SMARCA2: variants seen among roughly 807,000 people sequenced by gnomAD.
SMARCA2 encodes the protein SWI/SNF-related matrix-associated actin-dependent regulator of chromatin subfamily A member 2.
A neutral mutation model predicts 199.8 loss-of-function variants in SMARCA2; 61 were observed. That is an observed-to-expected ratio of 0.31 (90% CI 0.25 to 0.38). The LOEUF is 0.38. Ranked by LOEUF, SMARCA2 falls within the 10% of genes least tolerant of loss-of-function variation. The pLI, the probability that SMARCA2 is intolerant of heterozygous loss-of-function variation, is 1.00. For missense variants in SMARCA2, 1,344 were observed against 2,012.2 expected (o/e 0.67, Z 6.35); for synonymous variants, 935 against 732.0 (o/e 1.28, Z -4.48).
intron 19 of SMARCA2, among the ~76,000 whole-genome samples, chr9:2,089,632 A>T (rs916496285): frequency 6.6e-6 from 1 of 152,216 alleles, no homozygotes; most frequent in African/African-American, 2.4e-5. Context: ...TATCTCAGTG[A>T]AAGTCTACGT....
Position 2,103,989 on chromosome 9 carries a change from T to G in SMARCA2, c.3126-14T>G, listed in dbSNP as rs1482878633. On this transcript the variant is annotated splice_polypyrimidine_tract_variant and intron_variant, in intron 22 of 33. Transcript: ENST00000349721. ...TAATACTGTCTTCTTGTTTTTGCAT[T>G]TTTTTGGGTTCAGGGCTGAACTGTA... The G allele has an allele frequency of 6.2e-7, 1 of 1,609,902 alleles. No individual in the cohort carries two copies. The highest frequency in any genetic ancestry group is 1.3e-5 in the African/African-American group (1 of 74,620).
chr9:2,034,360 T>G (rs1819224111), intron 3 of SMARCA2, among the ~76,000 whole-genome samples: 1 of 152,046 alleles, frequency 6.6e-6, no homozygotes, highest in Middle Eastern at 3.2e-3. Flanking sequence ...CAACAATGGC[T>G]AAATCAGTAT....
intron 10 of SMARCA2, 71 bp downstream of exon 10, chr9:2,070,542 T>G: frequency 9.4e-7 from 1 of 1,066,856 alleles, no homozygotes. Flanking sequence ...AGCACCATTC[T>G]TCATGCATAC....
At chr9:2,132,046 T>G (rs1184737146) in intron 27 of SMARCA2, among the ~76,000 whole-genome samples, 2 of 152,096 alleles carry the variant, frequency 1.3e-5, no homozygotes, top group African/African-American at 4.8e-5. Flanking sequence ...AAAAGCTATG[T>G]AATACCAAGC....
At chr9:2,191,459 G>T in intron 33 of SMARCA2, 51 bp downstream of exon 33, 1 of 1,599,388 alleles carries the variant, frequency 6.3e-7, no homozygotes, top group Non-Finnish European at 8.5e-7. Context: ...TCCCCTGCTT[G>T]CTGGCCTCTT....
At chr9:2,074,355 T>A (rs7044075) in intron 12 of SMARCA2, among the ~76,000 whole-genome samples, 39,504 of 151,998 alleles carry the variant, frequency 0.26, 5,481 homozygotes, top group African/African-American at 0.33. Flanking sequence ...GTTAATATAT[T>A]GTCATTAGAT....
rs1444136839 is a variant in SMARCA2, at chr9:2,169,940, C to T, written c.4200-479C>T. On this transcript the variant is annotated intron_variant, in intron 28 of 33. Coordinates refer to ENST00000349721, the MANE Select transcript of SMARCA2 (RefSeq NM_003070.5). The surrounding 1 kb of genome is among the most constrained non-coding windows in gnomAD (Gnocchi z 6.5). ...TAGATGGTGTTCAGACCCAAATTGG[C>T]TGATGCTTGGAATACCTTCTTTGTG... Among the ~76,000 whole-genome samples, 1 of 152,202 alleles carries T rather than the reference C, an allele frequency of 6.6e-6. No homozygotes were observed. The highest frequency in any genetic ancestry group is 2.4e-5 in the African/African-American group (1 of 41,446).
intron 13 of SMARCA2, 114 bp from the exon 14 acceptor site, chr9:2,077,515 A>G (rs1821379608): frequency 2.0e-6 from 2 of 1,024,436 alleles, no homozygotes. Flanking sequence ...GTGGTTGATA[A>G]ATAAAACACA....
In SMARCA2 at chr9:2,159,605, G is replaced by T. The variant is rs139251178; in HGVS notation, c.3982-2081G>T. On this transcript the variant is annotated intron_variant, in intron 27 of 33. Coordinates refer to ENST00000349721, the MANE Select transcript of SMARCA2 (RefSeq NM_003070.5). The stretch of plus-strand genomic sequence containing the variant: ...CTGAGCTAAAATCTCTAATTCTGCT[G>T]CCTGGAATAATAAGGGGAAAAAAAT... The T allele has an allele frequency of 5.5e-3, 2,788 of 505,562 alleles. 12 individuals carry two copies. The highest frequency in any genetic ancestry group is 7.4e-3 in the Non-Finnish European group (2,199 of 295,858). The allele number at this position is 505,562 out of a possible 1,614,324, so 31.3% of individuals were successfully genotyped here.
chr9:2,024,948 C>G (rs908485500), intron 1 of SMARCA2, among the ~76,000 whole-genome samples: 2 of 152,156 alleles, frequency 1.3e-5, no homozygotes, highest in African/African-American at 4.8e-5. Context: ...ATGTGGGGGT[C>G]TTTGGTGTTT....
At chr9:2,079,747 G>A (rs1474300822) in intron 14 of SMARCA2, among the ~76,000 whole-genome samples, 1 of 152,228 alleles carries the variant, frequency 6.6e-6, no homozygotes, top group Non-Finnish European at 1.5e-5. Flanking sequence ...ACCTGACATA[G>A]ATGTTAACTC....
Position 2,047,328 on chromosome 9 carries a change from C to G in SMARCA2, c.890C>G (p.Pro297Arg). 1 of 1,107,398 alleles carries G rather than the reference C, an allele frequency of 9.0e-7. No homozygotes were observed. Among genetic ancestry groups the G allele is most frequent in the Non-Finnish European group, 1.1e-6 (1 of 898,892 alleles). 68.6% of individuals were successfully genotyped at this position (1,107,398 alleles called of 1,614,324 possible). A position where few individuals can be genotyped will look rare whatever the true frequency, so the allele number is the denominator to read the frequency against. Residue 297 changes from proline to arginine, a missense_variant, in exon 5 of 34, where the codon CCG becomes CGG. Physicochemically the swap from Pro to Arg is moderately radical, Grantham distance 103 (BLOSUM62 -2). This residue lies in a region of SMARCA2 where 117 missense variants were observed against 99.1 expected (regional missense o/e 1.18). Transcript: ENST00000349721. ...CCCGCGCCCCCCGCAGCCGCGCAGC[C>G]GCCCGCGGCCGCAGTGCCCGGGCCC... ...PSPAPPAAAQ[P>R]PAAAVPGPSV...
intron 12 of SMARCA2, chr9:2,075,269 T>C (rs1475718737): frequency 6.6e-6 from 1 of 152,504 alleles, no homozygotes; most frequent in Non-Finnish European, 1.5e-5. Flanking sequence ...GGTTTGATTT[T>C]TCTCCTTGAT....
intron 21 of SMARCA2, among the ~76,000 whole-genome samples, chr9:2,098,751 C>T (rs1271369160): frequency 1.3e-5 from 2 of 152,136 alleles, no homozygotes; most frequent in Non-Finnish European, 2.9e-5. Flanking sequence ...GCCTGGCCAA[C>T]ATGGTGAAAC....
At chr9:2,155,757 T>TC (rs1825328451) in intron 27 of SMARCA2, among the ~76,000 whole-genome samples, 1 of 85,786 alleles carries the variant, frequency 1.2e-5, no homozygotes, top group Non-Finnish European at 2.4e-5. Context: ...TTTTTTTTTT[T>TC]TCAAAAGTGA....
intron 1 of SMARCA2, among the ~76,000 whole-genome samples, chr9:2,018,888 G>A (rs1467377989): frequency 6.6e-6 from 1 of 152,204 alleles, no homozygotes; most frequent in Non-Finnish European, 1.5e-5. Flanking sequence ...GGAGTTTTAG[G>A]CTTCCAGGCT....
intron 27 of SMARCA2, among the ~76,000 whole-genome samples, chr9:2,144,972 C>A (rs939000256): frequency 6.6e-6 from 1 of 152,180 alleles, no homozygotes; most frequent in African/African-American, 2.4e-5. Flanking sequence ...GTTGGGGAAT[C>A]TGCATTTAAG....
At chr9:2,147,698 T>G (rs1004234605) in intron 27 of SMARCA2, among the ~76,000 whole-genome samples, 7 of 144,318 alleles carry the variant, frequency 4.9e-5, no homozygotes, top group Admixed American at 4.7e-4. Flanking sequence ...ATACGAAAAT[T>G]AGCGGGGCGT....
intron 5 of SMARCA2, among the ~76,000 whole-genome samples, chr9:2,049,216 A>G (rs111242405): frequency 2.0e-5 from 3 of 152,166 alleles, no homozygotes; most frequent in African/African-American, 7.2e-5. Flanking sequence ...TGTGTGCACA[A>G]GTGTGTTTTA....
Sources: allele counts gnomAD v4.1 joint callset (sites outside exome capture counted in the v4.1 genomes callset), GRCh38; gene constraint gnomAD v4.1.1; regional missense constraint gnomAD v4.1.1; non-coding constraint Gnocchi (gnomAD v3.1); transcripts MANE v1.5; gene names NCBI Gene and HGNC (gene_info 2026-07-23, HGNC 2026-07-21).